The following RSPO4 variants were observed in gnomAD, a reference collection of about 807,000 sequenced individuals.
RSPO4 encodes the protein R-spondin-4.
In RSPO4, 23 loss-of-function variants were observed where a neutral mutation model predicts 24.8. The observed-to-expected ratio is 0.93, with a 90% confidence interval of 0.67 to 1.31. The LOEUF is 1.31. Ranked by LOEUF, RSPO4 falls within the 40% of genes most tolerant of loss-of-function variation. The probability of loss-of-function intolerance (pLI) is 0.00; values close to 1 mark genes in which losing one functional copy is unlikely to be tolerated. For synonymous variants in RSPO4, 141 were observed against 127.4 expected (o/e 1.11, Z -0.72); for missense variants, 333 against 316.5 (o/e 1.05, Z -0.39).
In RSPO4 at chr20:981,257, G is replaced by A. The variant is rs1010812717; in HGVS notation, c.80-13119C>T. Among the ~76,000 whole-genome samples the A allele has an allele frequency of 2.0e-5, 3 of 152,202 alleles. No individual in the cohort carries two copies. The highest frequency in any genetic ancestry group is 4.4e-5 in the Non-Finnish European group (3 of 68,044). On this transcript the variant is annotated intron_variant, in intron 1 of 4. Transcript: ENST00000217260. The surrounding 1 kb of genome is among the most constrained non-coding windows in gnomAD (Gnocchi z 4.6). ...AGGGGCAACCTGGCCAGGCACAGTGGCTCACGCCTGTAATCCCAGCACTTA... is the reference window on the plus strand; with the variant it reads ...AGGGGCAACCTGGCCAGGCACAGTGACTCACGCCTGTAATCCCAGCACTTA...
intron 4 of RSPO4, among the ~76,000 whole-genome samples, chr20:960,747 G>A (rs990799577): frequency 6.6e-6 from 1 of 152,244 alleles, no homozygotes; most frequent in East Asian, 1.9e-4. Context: ...AGGCCTGCAG[G>A]TTCACCTGGG....
intron 4 of RSPO4, among the ~76,000 whole-genome samples, chr20:962,984 G>A (rs921035757): frequency 6.6e-6 from 1 of 152,134 alleles, no homozygotes; most frequent in Non-Finnish European, 1.5e-5. Context: ...TAGAGAATTC[G>A]GCACAGTGCC....
chr20:977,193 C>G (rs1984592576), intron 1 of RSPO4, among the ~76,000 whole-genome samples: 1 of 152,202 alleles, frequency 6.6e-6, no homozygotes, highest in Non-Finnish European at 1.5e-5. Context: ...GGGCCTTACC[C>G]TAGAGTTGCT....
At chr20:964,590 T>C (rs1223826126) in intron 3 of RSPO4, among the ~76,000 whole-genome samples, 1 of 151,726 alleles carries the variant, frequency 6.6e-6, no homozygotes, top group Non-Finnish European at 1.5e-5. Context: ...TTAAACTTGA[T>C]CATGTGTCTT....
chr20:979,876 G>A (rs746206708), intron 1 of RSPO4, among the ~76,000 whole-genome samples: 5 of 151,810 alleles, frequency 3.3e-5, no homozygotes, highest in African/African-American at 9.7e-5. Flanking sequence ...CCTCTCCCAC[G>A]TCGCTATGTT....
At chr20:966,079 G>T (rs1450266829) in intron 3 of RSPO4, among the ~76,000 whole-genome samples, 1 of 152,156 alleles carries the variant, frequency 6.6e-6, no homozygotes, top group Non-Finnish European at 1.5e-5. Context: ...TGGTGGCAGT[G>T]GGAGTGGAAA....
chr20:998,274 C>T (rs1050573604), intron 1 of RSPO4, among the ~76,000 whole-genome samples: 1 of 152,152 alleles, frequency 6.6e-6, no homozygotes, highest in South Asian at 2.1e-4. Flanking sequence ...CTGGCATCTC[C>T]TCCTTGCCCA....
At position 964,124 on chromosome 20, in the gene RSPO4, T is replaced by C. The variant is rs757726155; in HGVS notation, c.410-4A>G. On this transcript the variant is annotated splice_region_variant and splice_polypyrimidine_tract_variant and intron_variant, in intron 3 of 4. Coordinates refer to ENST00000217260, the MANE Select transcript of RSPO4 (RefSeq NM_001029871.4). ...CAGGGACCCAGTTCACACTCCCCTG[T>C]GGGGTGAAAGGAGAGACAGACAGAC... 29 of 1,607,388 alleles carry C rather than the reference T, an allele frequency of 1.8e-5. No individual in the cohort carries two copies. Among genetic ancestry groups the C allele is most frequent in the Non-Finnish European group, 2.5e-5 (29 of 1,175,942 alleles).
rs530475589 is a variant in RSPO4 at position 992,645 on chromosome 20, C to G, written c.79+9441G>C. Among the ~76,000 whole-genome samples, 13 of 152,202 alleles carry G rather than the reference C, an allele frequency of 8.5e-5. 1 individual carries two copies. The East Asian group carries it at 2.5e-3, about 29-fold the overall frequency. ...CATATGAGGTAGATGCTCTTATTGTCCCCATTGTATTGACAGACAACATCG... is the reference window on the plus strand; with the variant it reads ...CATATGAGGTAGATGCTCTTATTGTGCCCATTGTATTGACAGACAACATCG... On this transcript the variant is annotated intron_variant, in intron 1 of 4. Transcript: ENST00000217260.
intron 1 of RSPO4, among the ~76,000 whole-genome samples, chr20:1,000,925 G>A (rs6056517): frequency 0.15 from 23,517 of 152,098 alleles, 4,611 homozygotes; most frequent in African/African-American, 0.46. Context: ...TTCCTGCTCC[G>A]TTCCAGGAGT....
At chr20:961,725 C>T (rs1984005412) in intron 4 of RSPO4, among the ~76,000 whole-genome samples, 1 of 152,056 alleles carries the variant, frequency 6.6e-6, no homozygotes, top group South Asian at 2.1e-4. Context: ...CTTTGTGTCC[C>T]TACCCCTTCC....
At chr20:987,831 C>T (rs1984968732) in intron 1 of RSPO4, among the ~76,000 whole-genome samples, 1 of 152,218 alleles carries the variant, frequency 6.6e-6, no homozygotes, top group Non-Finnish European at 1.5e-5. Flanking sequence ...CACCCACCCA[C>T]TGAAAAGCTT....
intron 1 of RSPO4, among the ~76,000 whole-genome samples, chr20:973,920 A>C (rs1984485933): frequency 6.6e-6 from 1 of 151,974 alleles, no homozygotes; most frequent in African/African-American, 2.4e-5. Context: ...TCTATGTTGT[A>C]ATGGCACCTC....
intron 1 of RSPO4, among the ~76,000 whole-genome samples, chr20:990,971 A>G (rs1463386315): frequency 1.3e-5 from 2 of 152,226 alleles, no homozygotes; most frequent in Non-Finnish European, 2.9e-5. Context: ...CATTGTCGCA[A>G]CTGAGCGTCC....
rs1229701201 is a variant in RSPO4 at position 960,090 on chromosome 20, G to T, written c.*267C>A. On this transcript the variant is annotated 3_prime_UTR_variant, in exon 5 of 5. Transcript: ENST00000217260. Reference sequence around the variant, plus strand: ...GAAGAAACACAGGAAGAAAGAAAAGGAAAGATAAAAGATAAGTGAGAAAGA... The same window carrying T: ...GAAGAAACACAGGAAGAAAGAAAAGTAAAGATAAAAGATAAGTGAGAAAGA... The T allele has an allele frequency of 9.1e-6, 5 of 548,602 alleles. No individual in the cohort carries two copies. Among genetic ancestry groups the T allele is most frequent in the Middle Eastern group, 4.7e-4 (1 of 2,130 alleles). 34.0% of individuals were successfully genotyped at this position (548,602 alleles called of 1,614,324 possible). A position where few individuals can be genotyped will look rare whatever the true frequency, so the allele number is the denominator to read the frequency against.
intron 1 of RSPO4, among the ~76,000 whole-genome samples, chr20:993,082 G>A (rs945578407): frequency 2.6e-5 from 4 of 152,150 alleles, no homozygotes; most frequent in East Asian, 3.9e-4. Context: ...CTCTGCCATC[G>A]GGCTCCAGGG....
rs78848369 is a variant in RSPO4 at position 981,129 on chromosome 20, C to T, written c.80-12991G>A. ...TATAGGTGGTGGCATTAGATTTAAA[C>T]CCACAGCTGATGAAACCCCAGACTC... On this transcript the variant is annotated intron_variant, in intron 1 of 4. Transcript: ENST00000217260. The surrounding 1 kb of genome is among the most constrained non-coding windows in gnomAD (Gnocchi z 4.6). Among the ~76,000 whole-genome samples the T allele has an allele frequency of 6.8e-3, 1,034 of 152,262 alleles. 8 individuals are homozygous for T. The highest frequency in any genetic ancestry group is 0.023 in the African/African-American group (966 of 41,538).
intron 1 of RSPO4, among the ~76,000 whole-genome samples, chr20:988,945 C>T (rs1985007449): frequency 6.6e-6 from 1 of 152,194 alleles, no homozygotes; most frequent in South Asian, 2.1e-4. Flanking sequence ...TTCTGCCTCT[C>T]CTGGTCATTG....
intron 1 of RSPO4, among the ~76,000 whole-genome samples, chr20:1,000,790 C>G (rs1985436102): frequency 6.6e-6 from 1 of 152,158 alleles, no homozygotes; most frequent in African/African-American, 2.4e-5. Context: ...CCCAGCTCAG[C>G]TGAAAACCAC....
Sources: allele counts gnomAD v4.1 joint callset (sites outside exome capture counted in the v4.1 genomes callset), GRCh38; gene constraint gnomAD v4.1.1; non-coding constraint Gnocchi (gnomAD v3.1); transcripts MANE v1.5; gene names NCBI Gene and HGNC (gene_info 2026-07-23, HGNC 2026-07-21).